Variants in PLB1 observed in about 807,000 individuals in gnomAD.
The protein encoded by PLB1 is phospholipase B1.
A neutral mutation model predicts 227.4 loss-of-function variants in PLB1; 242 were observed. The observed-to-expected ratio is 1.06, with a 90% confidence interval of 0.96 to 1.18. PLB1 has a LOEUF of 1.18. PLB1 is among the 50% of genes most tolerant of loss of function. The probability of loss-of-function intolerance (pLI) is 0.00; values close to 1 mark genes in which losing one functional copy is unlikely to be tolerated. For missense variants in PLB1, 1,858 were observed against 1,816.3 expected (o/e 1.02, Z -0.42); for synonymous variants, 757 against 682.2 (o/e 1.11, Z -1.71).
intron 1 of PLB1, among the ~76,000 whole-genome samples, chr2:28,504,628 G>A (rs1011373191): frequency 1.3e-5 from 2 of 151,998 alleles, no homozygotes; most frequent in South Asian, 2.1e-4. Flanking sequence ...CTGTAGTCCC[G>A]ATACTCAGGA....
intron 14 of PLB1, among the ~76,000 whole-genome samples, chr2:28,545,529 C>T (rs757295172): frequency 6.6e-6 from 1 of 152,130 alleles, no homozygotes; most frequent in Non-Finnish European, 1.5e-5. Context: ...TGATTTCGGT[C>T]CCACTTTCGG....
At position 28,600,932 on chromosome 2, in the gene PLB1, C is replaced by T. The variant is rs532902222; in HGVS notation, c.2526+72C>T. ...CTAAAGTTGTCTCCAAACGGAGTGG[C>T]CTGCTCTGAAAAGCAGTGAGCCCCA... On this transcript the variant is annotated intron_variant, in intron 36 of 57. Coordinates refer to ENST00000327757, the MANE Select transcript of PLB1 (RefSeq NM_153021.5). The T allele has an allele frequency of 4.1e-5, 57 of 1,385,202 alleles. No homozygotes were observed. The African/African-American group carries it at 8.0e-4, about 19-fold the overall frequency. The allele number at this position is 1,385,202 out of a possible 1,614,324, so 85.8% of individuals were successfully genotyped here. A position where few individuals can be genotyped will look rare whatever the true frequency, so the allele number is the denominator to read the frequency against.
chr2:28,629,028 G>C, intron 52 of PLB1, 66 bp from the exon 53 acceptor site: 1 of 1,366,770 alleles, frequency 7.3e-7, no homozygotes, highest in Non-Finnish European at 1.0e-6. Context: ...TTGGATTGTA[G>C]ATGACCCCCA....
intron 14 of PLB1, among the ~76,000 whole-genome samples, chr2:28,547,276 C>G (rs1673441037): frequency 6.6e-6 from 1 of 151,846 alleles, no homozygotes; most frequent in Non-Finnish European, 1.5e-5. Flanking sequence ...GGCCCTCACC[C>G]AGGCCTGCTC....
intron 47 of PLB1, 51 bp from the exon 48 acceptor site, chr2:28,620,549 A>T: frequency 6.4e-7 from 1 of 1,569,566 alleles, no homozygotes. Context: ...ATGTTGACAC[A>T]GGGAGCAGCA....
intron 1 of PLB1, among the ~76,000 whole-genome samples, chr2:28,510,494 A>G (rs6748157): frequency 0.41 from 62,333 of 151,968 alleles, 15,639 homozygotes; most frequent in Middle Eastern, 0.63. Flanking sequence ...CATCCAACCT[A>G]TCAGATCCTG....
intron 21 of PLB1, among the ~76,000 whole-genome samples, chr2:28,575,654 T>G (rs1001766770): frequency 6.6e-6 from 1 of 152,166 alleles, no homozygotes; most frequent in Admixed American, 6.6e-5. Context: ...CCCTGCAACC[T>G]CCGCCTCCCA....
rs996328920 is a variant in PLB1, at chr2:28,522,151, A to G, written c.243+2388A>G. On this transcript the variant is annotated intron_variant, in intron 4 of 57. Coordinates refer to ENST00000327757, the MANE Select transcript of PLB1 (RefSeq NM_153021.5). ...AGTGTTAGCCTCACCACATTTATCAATGCCACCTCTGCTTGAGCACTGGAT... is the reference window on the plus strand; with the variant it reads ...AGTGTTAGCCTCACCACATTTATCAGTGCCACCTCTGCTTGAGCACTGGAT... Among the ~76,000 whole-genome samples the G allele has an allele frequency of 2.6e-5, 4 of 151,776 alleles. No individual in the cohort carries two copies. In the East Asian group the frequency reaches 5.8e-4, roughly 22 times the overall value.
At chr2:28,562,580 C>A (rs1333488523) in intron 17 of PLB1, among the ~76,000 whole-genome samples, 6 of 135,472 alleles carry the variant, frequency 4.4e-5, no homozygotes, top group African/African-American at 1.7e-4. Flanking sequence ...TAAAAGTATT[C>A]CTTTTTCACT....
chr2:28,600,880 A>T lies in PLB1; in HGVS notation c.2526+20A>T, dbSNP rs1444222089. On this transcript the variant is annotated intron_variant, in intron 36 of 57. Transcript: ENST00000327757. The stretch of plus-strand genomic sequence containing the variant: ...GATCATGTGAGTCAGATTTACTGTT[A>T]TTTCTAAACATTAATTTTCTAACCC... 3.8e-6 allele frequency: 6 copies of T among 1,594,754 alleles called. No homozygotes were observed. The East Asian group carries it at 1.3e-4, about 36-fold the overall frequency.
At position 28,540,480 on chromosome 2, in the gene PLB1, G is replaced by C. The variant is rs1672332925; in HGVS notation, c.774+39G>C. The C allele has an allele frequency of 3.8e-6, 6 of 1,578,532 alleles. No individual in the cohort carries two copies. In the Admixed American group the frequency reaches 1.0e-4, roughly 27 times the overall value. ...GGGATCCCAAGCTGCTGGCTCACCG[G>C]GGTGGCGTGGTCGCCAAGGAGAACA... On this transcript the variant is annotated intron_variant, in intron 12 of 57. Coordinates refer to ENST00000327757, the MANE Select transcript of PLB1 (RefSeq NM_153021.5).
intron 17 of PLB1, among the ~76,000 whole-genome samples, chr2:28,556,830 A>G (rs945602782): frequency 6.6e-6 from 1 of 152,154 alleles, no homozygotes; most frequent in Non-Finnish European, 1.5e-5. Flanking sequence ...ATAAACCAGA[A>G]CAGTTCATTC....
At chr2:28,535,037 A>G (rs1558690676) in intron 9 of PLB1, among the ~76,000 whole-genome samples, 1 of 152,066 alleles carries the variant, frequency 6.6e-6, no homozygotes, top group Non-Finnish European at 1.5e-5. Context: ...ATTCTCTACA[A>G]CCTTCCCAAC....
intron 1 of PLB1, among the ~76,000 whole-genome samples, chr2:28,509,159 G>T (rs1250937984): frequency 1.3e-5 from 2 of 152,176 alleles, no homozygotes; most frequent in African/African-American, 4.8e-5. Flanking sequence ...AGGGACAGGG[G>T]CTAGAAAATT....
Position 28,620,908 on chromosome 2 carries a change from C to T in PLB1, c.3457C>T (p.Leu1153Phe). ...NILKKFNPYL[L>F]GFSTSTWEGT... Reference sequence around the variant, plus strand: ...TCTGAAGAAGTTCAACCCTTACCTCCTTGGCTTCTCTACCAGCACCTGGGA... The same window carrying T: ...TCTGAAGAAGTTCAACCCTTACCTCTTTGGCTTCTCTACCAGCACCTGGGA... The change falls in exon 49 of 58, where the codon CTT becomes TTT. Residue 1153 changes from leucine to phenylalanine, a missense_variant. Coordinates refer to ENST00000327757, the MANE Select transcript of PLB1 (RefSeq NM_153021.5). The T allele has an allele frequency of 6.2e-7, 1 of 1,614,032 alleles. No homozygotes were observed. The highest frequency in any genetic ancestry group is 8.5e-7 in the Non-Finnish European group (1 of 1,179,948).
chr2:28,546,693 T>C (rs1572891007), intron 14 of PLB1, among the ~76,000 whole-genome samples: 1 of 152,112 alleles, frequency 6.6e-6, no homozygotes, highest in South Asian at 2.1e-4. Flanking sequence ...GTAAAGGGAA[T>C]GAATGGAAGC....
At chr2:28,581,403 TC>T (rs11372789) in intron 23 of PLB1, among the ~76,000 whole-genome samples, 6 of 149,382 alleles carry the variant, frequency 4.0e-5, no homozygotes, top group African/African-American at 1.5e-4. Context: ...TGCTCGGACA[TC>T]CCCATGTTAG....
chr2:28,496,445 A>C (rs568556282), intron 1 of PLB1, among the ~76,000 whole-genome samples: 30 of 152,038 alleles, frequency 2.0e-4, no homozygotes, highest in East Asian at 1.2e-3. Flanking sequence ...TACAAAAAAA[A>C]CCCCTGGATT....
rs565442462 is a variant in PLB1 at position 28,581,486 on chromosome 2, AAAATAAATAAAT to A, written c.1567-542_1567-531del. On this transcript the variant is annotated intron_variant, in intron 23 of 57. Coordinates refer to ENST00000327757, the MANE Select transcript of PLB1 (RefSeq NM_153021.5). The stretch of plus-strand genomic sequence containing the variant: ...GAGTAGATCCAGAGCTCCACGCAAA[AAAATAAATAAAT>A]AAATAAATAAATAAATAAATAAATA... 8.7e-3 allele frequency among the ~76,000 whole-genome samples: 962 copies of A among 111,160 alleles called. 21 individuals carry two copies. The highest frequency in any genetic ancestry group is 8.7e-3 in the Non-Finnish European group (499 of 57,042). 72.9% of individuals were successfully genotyped at this position (111,160 alleles called of 152,430 possible).
Sources: allele counts gnomAD v4.1 joint callset (sites outside exome capture counted in the v4.1 genomes callset), GRCh38; gene constraint gnomAD v4.1.1; transcripts MANE v1.5; gene names NCBI Gene and HGNC (gene_info 2026-07-23, HGNC 2026-07-21).